BTBD9: variants seen among roughly 807,000 people sequenced by gnomAD.
BTBD9 encodes BTB/POZ domain-containing protein 9.
Under a neutral mutation model 64.3 loss-of-function variants are expected in BTBD9, and 49 were observed. The observed-to-expected ratio is 0.76, with a 90% CI of 0.61 to 0.97. The LOEUF (loss-of-function observed/expected upper bound fraction) is 0.97, where lower values mean the gene tolerates loss of function less well. Ranked by LOEUF, BTBD9 falls within the 50% of genes least tolerant of loss-of-function variation. The probability of loss-of-function intolerance (pLI) is 0.00; values close to 1 mark genes in which losing one functional copy is unlikely to be tolerated. For missense variants in BTBD9, 598 were observed against 762.1 expected (o/e 0.78, Z 2.53); for synonymous variants, 260 against 274.7 (o/e 0.95, Z 0.53).
chr6:38,304,897 A>C (rs930424716), intron 7 of BTBD9, among the ~76,000 whole-genome samples: 6 of 152,158 alleles, frequency 3.9e-5, no homozygotes, highest in African/African-American at 1.4e-4. Flanking sequence ...GCACTGTCCC[A>C]CTTAATAGCC....
In BTBD9 at chr6:38,302,104, T is replaced by C. The variant is rs183514808; in HGVS notation, c.1265-13643A>G. 4.7e-4 allele frequency among the ~76,000 whole-genome samples: 71 copies of C among 152,304 alleles called. 1 individual carries two copies. The highest frequency in any genetic ancestry group is 8.8e-4 in the Non-Finnish European group (60 of 68,010). On this transcript the variant is annotated intron_variant, in intron 7 of 10. Transcript: ENST00000481247. Reference sequence around the variant, plus strand: ...AGCATCTTCAGGATATATCGTCTCATACATTTAACATTTCTTTGTAGTGAA... The same window carrying C: ...AGCATCTTCAGGATATATCGTCTCACACATTTAACATTTCTTTGTAGTGAA...
chr6:38,630,038 G>A lies in BTBD9; in HGVS notation c.-28+9762C>T, dbSNP rs368567949. ...GCCTGGCCAACATGGTGAAAACCCC[G>A]TCTCTACTAAAAATACAAAATTAGC... On this transcript the variant is annotated intron_variant, in intron 1 of 10. Transcript: ENST00000481247. Among the ~76,000 whole-genome samples the A allele has an allele frequency of 3.8e-4, 57 of 151,130 alleles. No homozygotes were observed. In the South Asian group the frequency reaches 5.5e-3, roughly 15 times the overall value.
chr6:38,178,249 G>C (rs1027495683), intron 10 of BTBD9, among the ~76,000 whole-genome samples: 3 of 152,078 alleles, frequency 2.0e-5, no homozygotes, highest in Admixed American at 2.0e-4. Context: ...ATGGATAGGC[G>C]GGTGAAGACA....
chr6:38,315,060 C>T lies in BTBD9; in HGVS notation c.1265-26599G>A, dbSNP rs1762985433. On this transcript the variant is annotated intron_variant, in intron 7 of 10. Transcript: ENST00000481247. ...AGACGGGGTTTCACCATGTTAGCCA[C>T]GATGGTCTCGATCTTCTGACCTCAT... is the stretch of plus-strand genomic sequence containing the variant. Among the ~76,000 whole-genome samples the T allele has an allele frequency of 2.0e-5, 3 of 151,942 alleles. No individual in the cohort carries two copies. The South Asian group carries it at 6.2e-4, about 32-fold the overall frequency.
At chr6:38,624,152 G>T (rs568858696) in intron 1 of BTBD9, among the ~76,000 whole-genome samples, 1 of 152,208 alleles carries the variant, frequency 6.6e-6, no homozygotes, top group Non-Finnish European at 1.5e-5. Flanking sequence ...ACCAATCTGC[G>T]CTCTGTAAAA....
chr6:38,622,096 A>T (rs1271004564), intron 1 of BTBD9, among the ~76,000 whole-genome samples: 1 of 152,242 alleles, frequency 6.6e-6, no homozygotes, highest in Non-Finnish European at 1.5e-5. Flanking sequence ...AACACTCATC[A>T]AATGGCCAAA....
chr6:38,613,443 G>A (rs1353568453), intron 1 of BTBD9, among the ~76,000 whole-genome samples: 1 of 152,114 alleles, frequency 6.6e-6, no homozygotes, highest in Non-Finnish European at 1.5e-5. Flanking sequence ...CCAACATGGT[G>A]AAACCCCGTC....
intron 6 of BTBD9, among the ~76,000 whole-genome samples, chr6:38,498,040 A>G (rs568954138): frequency 6.6e-6 from 1 of 152,238 alleles, no homozygotes; most frequent in Non-Finnish European, 1.5e-5. Flanking sequence ...TGTTGGCTTT[A>G]TGGAAACAAT....
At chr6:38,293,912 A>G (rs557500701) in intron 7 of BTBD9, among the ~76,000 whole-genome samples, 203 of 152,312 alleles carry the variant, frequency 1.3e-3, no homozygotes, top group African/African-American at 4.8e-3. Flanking sequence ...AATTTTTGCA[A>G]TCTATCCATC....
chr6:38,638,390 G>A (rs1394501990), intron 1 of BTBD9, among the ~76,000 whole-genome samples: 2 of 152,184 alleles, frequency 1.3e-5, no homozygotes, highest in Non-Finnish European at 2.9e-5. Context: ...CATGTATTAA[G>A]TACTTGATGG....
intron 6 of BTBD9, among the ~76,000 whole-genome samples, chr6:38,416,289 G>A (rs951531542): frequency 2.2e-4 from 34 of 151,424 alleles, no homozygotes; most frequent in African/African-American, 8.3e-4. Context: ...CTTCTAAGAG[G>A]TAGTGCTGTA....
chr6:38,425,953 CACACA>C lies in BTBD9; in HGVS notation c.1155-80865_1155-80861del, dbSNP rs1410017158. ...ACACACACACACACACACACACACA[CACACA>C]AACAAAAGCAAGCCCAGACCAGAAG... is the stretch of plus-strand genomic sequence containing the variant. On this transcript the variant is annotated intron_variant, in intron 6 of 10. Transcript: ENST00000481247. Among the ~76,000 whole-genome samples the C allele has an allele frequency of 3.7e-4, 55 of 147,556 alleles. 2 individuals carry two copies. The highest frequency in any genetic ancestry group is 1.3e-3 in the African/African-American group (52 of 39,922).
chr6:38,408,871 A>T (rs1767284592), intron 6 of BTBD9, among the ~76,000 whole-genome samples: 1 of 152,206 alleles, frequency 6.6e-6, no homozygotes, highest in Non-Finnish European at 1.5e-5. Flanking sequence ...ACAGAGCCCA[A>T]AGGAAGTATC....
At chr6:38,533,917 GT>G (rs1429456866) in intron 6 of BTBD9, among the ~76,000 whole-genome samples, 4 of 152,036 alleles carry the variant, frequency 2.6e-5, no homozygotes, top group African/African-American at 9.7e-5. Context: ...ATAGCTGTAA[GT>G]GCCTACATCA....
chr6:38,291,925 G>A (rs1389307892), intron 7 of BTBD9, among the ~76,000 whole-genome samples: 3 of 150,914 alleles, frequency 2.0e-5, no homozygotes, highest in African/African-American at 4.9e-5. Context: ...TTGCATAGAT[G>A]TTCATCAGGG....
intron 6 of BTBD9, among the ~76,000 whole-genome samples, chr6:38,494,627 T>C (rs1017400791): frequency 6.6e-5 from 10 of 152,260 alleles, no homozygotes; most frequent in African/African-American, 2.4e-4. Flanking sequence ...TTACTCATTT[T>C]TTCTATATGT....
At chr6:38,401,239 G>A (rs1766913571) in intron 6 of BTBD9, among the ~76,000 whole-genome samples, 1 of 152,098 alleles carries the variant, frequency 6.6e-6, no homozygotes, top group Non-Finnish European at 1.5e-5. Flanking sequence ...GTTTAAGTGT[G>A]GCACTTCCTT....
At chr6:38,394,008 A>T (rs1435618529) in intron 6 of BTBD9, among the ~76,000 whole-genome samples, 1 of 152,184 alleles carries the variant, frequency 6.6e-6, no homozygotes, top group African/African-American at 2.4e-5. Flanking sequence ...AGAAAAGACA[A>T]GATGTTTGGT....
chr6:38,394,441 G>C (rs1409039112), intron 6 of BTBD9, among the ~76,000 whole-genome samples: 10 of 152,108 alleles, frequency 6.6e-5, no homozygotes, highest in Non-Finnish European at 1.0e-4. Flanking sequence ...TTTGTGGCAA[G>C]AAAGAACAAT....
Sources: gnomAD v4.1 joint callset for allele counts (sites outside exome capture counted in the v4.1 genomes callset) on GRCh38, gnomAD v4.1.1 for gene constraint, MANE v1.5 for transcripts, NCBI Gene and HGNC (gene_info 2026-07-23, HGNC 2026-07-21) for gene names.